The following NEK11 variants were observed in gnomAD, a reference collection of about 807,000 sequenced individuals.
The protein encoded by NEK11 is serine/threonine-protein kinase Nek11.
In NEK11, 72 loss-of-function variants were observed where a neutral mutation model predicts 80.7. The ratio of observed to expected loss-of-function variants is 0.89; its 90% CI spans 0.74 to 1.08. The LOEUF (loss-of-function observed/expected upper bound fraction) is 1.08, where lower values mean the gene tolerates loss of function less well. Ranked by LOEUF, NEK11 falls within the 50% of genes least tolerant of loss-of-function variation. NEK11 has a pLI of 0.00. For synonymous variants in NEK11, 251 were observed against 260.7 expected (o/e 0.96, Z 0.36); for missense variants, 764 against 763.6 (o/e 1.00, Z -0.01).
At chr3:131,260,595 T>G (rs1158761401) in intron 16 of NEK11, among the ~76,000 whole-genome samples, 1 of 152,196 alleles carries the variant, frequency 6.6e-6, no homozygotes, top group African/African-American at 2.4e-5. Flanking sequence ...CAACAGAAAT[T>G]CTATGGTCTA....
At chr3:131,221,247 A>G (rs1390051156) in intron 14 of NEK11, among the ~76,000 whole-genome samples, 1 of 152,104 alleles carries the variant, frequency 6.6e-6, no homozygotes, top group Non-Finnish European at 1.5e-5. Flanking sequence ...TCTACCTGGA[A>G]TATTAGAAGG....
intron 14 of NEK11, among the ~76,000 whole-genome samples, chr3:131,215,733 G>T (rs931981501): frequency 4.6e-5 from 7 of 152,186 alleles, no homozygotes; most frequent in African/African-American, 1.7e-4. Flanking sequence ...CACTTTCAAG[G>T]GCCAGGAGAT....
intron 17 of NEK11, among the ~76,000 whole-genome samples, chr3:131,298,746 T>C (rs1447349000): frequency 1.3e-5 from 2 of 152,066 alleles, no homozygotes; most frequent in Non-Finnish European, 2.9e-5. Context: ...TTGGTGTTTA[T>C]CCTACTTAGT....
chr3:131,041,967 T>C lies in NEK11; in HGVS notation c.170+12089T>C, dbSNP rs550194008. 2.6e-5 allele frequency among the ~76,000 whole-genome samples: 4 copies of C among 151,976 alleles called. No homozygotes were observed. The South Asian group carries it at 8.3e-4, about 32-fold the overall frequency. On this transcript the variant is annotated intron_variant, in intron 3 of 17. Coordinates refer to ENST00000383366, the MANE Select transcript of NEK11 (RefSeq NM_024800.5). ...CCACGGAGGGCGAGCAGAAGGAGGG[T>C]GGGGCGTCACCTCACCCCGGAAGTG...
Position 131,159,217 on chromosome 3 carries a change from A to G in NEK11, c.963-3191A>G, listed in dbSNP as rs917145263. Among the ~76,000 whole-genome samples the G allele has an allele frequency of 3.9e-5, 6 of 152,224 alleles. No homozygotes were observed. In the South Asian group the frequency reaches 1.2e-3, roughly 32 times the overall value. ...CAGTGCAAGAACTTCGAGAACTCAA[A>G]AAACCAGACTGCCTTCTTTCCTCCA... On this transcript the variant is annotated intron_variant, in intron 10 of 17. Coordinates refer to ENST00000383366, the MANE Select transcript of NEK11 (RefSeq NM_024800.5).
At chr3:131,069,114 T>C (rs1376673400) in intron 3 of NEK11, among the ~76,000 whole-genome samples, 1 of 152,178 alleles carries the variant, frequency 6.6e-6, no homozygotes, top group African/African-American at 2.4e-5. Flanking sequence ...AAGAACTTTA[T>C]TTCATTAAAA....
intron 3 of NEK11, among the ~76,000 whole-genome samples, chr3:131,048,160 A>T (rs1453861782): frequency 2.0e-5 from 3 of 152,170 alleles, no homozygotes. Flanking sequence ...ATTTCCAGGC[A>T]GCGGGTGAAC....
At chr3:131,037,756 TTTAA>T (rs1308779550) in intron 3 of NEK11, among the ~76,000 whole-genome samples, 4 of 152,196 alleles carry the variant, frequency 2.6e-5, no homozygotes, top group African/African-American at 4.8e-5. Context: ...GTCTGATTTA[TTTAA>T]TCATTTTAAC....
At chr3:131,337,131 C>G (rs1307990092) in intron 17 of NEK11, among the ~76,000 whole-genome samples, 3 of 150,620 alleles carry the variant, frequency 2.0e-5, no homozygotes, top group Middle Eastern at 3.4e-3. Flanking sequence ...ACCCAAAGGA[C>G]TATAAATCAT....
At chr3:131,151,921 GC>G (rs1045577712) in intron 7 of NEK11, among the ~76,000 whole-genome samples, 1 of 152,030 alleles carries the variant, frequency 6.6e-6, no homozygotes, top group East Asian at 1.9e-4. Context: ...AATAAATAAT[GC>G]CAGTTTCCTT....
intron 4 of NEK11, among the ~76,000 whole-genome samples, chr3:131,108,636 G>A (rs1007098350): frequency 6.6e-6 from 1 of 152,052 alleles, no homozygotes; most frequent in Non-Finnish European, 1.5e-5. Flanking sequence ...GTCAGACACT[G>A]CCAGGCTATT....
At chr3:131,279,659 T>G (rs952480287) in intron 17 of NEK11, among the ~76,000 whole-genome samples, 3 of 152,170 alleles carry the variant, frequency 2.0e-5, no homozygotes, top group African/African-American at 7.2e-5. Context: ...GTCCCTATAG[T>G]TTTTCCTTTT....
At chr3:131,159,758 C>T (rs1313918597) in intron 10 of NEK11, among the ~76,000 whole-genome samples, 1 of 65,430 alleles carries the variant, frequency 1.5e-5, no homozygotes, top group African/African-American at 6.3e-5. Flanking sequence ...GAATGAGACT[C>T]CATCTCCAAA....
chr3:131,081,394 G>C (rs1053948732), intron 4 of NEK11, among the ~76,000 whole-genome samples: 2 of 152,122 alleles, frequency 1.3e-5, no homozygotes, highest in Non-Finnish European at 2.9e-5. Context: ...AGTATTTACA[G>C]TTTTTCCAAC....
At position 131,332,522 on chromosome 3, in the gene NEK11, C is replaced by G. The variant is rs539996257; in HGVS notation, c.1719-17035C>G. ...TAAAACCACAAAGATGGGGAAAAAA[C>G]AGAGCAGAAAAACTGGAAACTCTAA... is the stretch of plus-strand genomic sequence containing the variant. On this transcript the variant is annotated intron_variant, in intron 17 of 17. Transcript: ENST00000383366. 1.7e-4 allele frequency among the ~76,000 whole-genome samples: 26 copies of G among 152,296 alleles called. 1 individual carries two copies. The South Asian group carries it at 5.4e-3, about 32-fold the overall frequency.
intron 14 of NEK11, among the ~76,000 whole-genome samples, chr3:131,182,447 G>T (rs145732055): frequency 8.3e-4 from 126 of 152,234 alleles, no homozygotes; most frequent in Non-Finnish European, 1.5e-3. Flanking sequence ...AACTCACCAG[G>T]TAGACTTGTC....
chr3:131,163,475 G>T (rs903737599), intron 11 of NEK11, among the ~76,000 whole-genome samples: 22 of 151,894 alleles, frequency 1.4e-4, no homozygotes. Flanking sequence ...TATGTTAAGA[G>T]AAATAAGCCA....
At chr3:131,315,473 G>GTGTGTT (rs776222420) in intron 17 of NEK11, among the ~76,000 whole-genome samples, 229 of 136,242 alleles carry the variant, frequency 1.7e-3, no homozygotes, top group Non-Finnish European at 2.8e-3. Context: ...ATTCCTGTGT[G>GTGTGTT]TGTGTGTGTG....
chr3:131,037,953 A>G (rs1235470451), intron 3 of NEK11, among the ~76,000 whole-genome samples: 1 of 152,128 alleles, frequency 6.6e-6, no homozygotes, highest in Admixed American at 6.6e-5. Flanking sequence ...AGTTAATTTA[A>G]TAGGATTCAG....
Sources: allele counts gnomAD v4.1 joint callset (sites outside exome capture counted in the v4.1 genomes callset), GRCh38; gene constraint gnomAD v4.1.1; transcripts MANE v1.5; gene names NCBI Gene and HGNC (gene_info 2026-07-23, HGNC 2026-07-21).